The following EPHB1 variants were observed in gnomAD, a reference collection of about 807,000 sequenced individuals.
EPHB1 encodes EPH receptor B1, also known as ephrin type-B receptor 1.
Under a neutral mutation model 94.4 loss-of-function variants are expected in EPHB1, and 30 were observed. The ratio of observed to expected loss-of-function variants is 0.32; its 90% CI spans 0.24 to 0.43. The LOEUF (loss-of-function observed/expected upper bound fraction) is 0.43. EPHB1 is among the 20% of genes least tolerant of loss of function. EPHB1 has a pLI of 1.00. For missense variants in EPHB1, 1,055 were observed against 1,308.3 expected (o/e 0.81, Z 2.99); for synonymous variants, 522 against 489.1 (o/e 1.07, Z -0.89).
At chr3:134,987,395 A>T (rs1334885444) in intron 3 of EPHB1, among the ~76,000 whole-genome samples, 1 of 152,150 alleles carries the variant, frequency 6.6e-6, no homozygotes, top group African/African-American at 2.4e-5. Context: ...GAGATCATAA[A>T]GGTGGGACTT....
intron 12 of EPHB1, among the ~76,000 whole-genome samples, chr3:135,216,615 T>C (rs914560682): frequency 6.6e-6 from 1 of 150,498 alleles, no homozygotes; most frequent in Non-Finnish European, 1.5e-5. Context: ...CCCAGCTACT[T>C]GAGAGGCTGA....
chr3:134,958,709 C>T (rs576161146), intron 3 of EPHB1, among the ~76,000 whole-genome samples: 6 of 152,100 alleles, frequency 3.9e-5, no homozygotes, highest in Admixed American at 6.5e-5. Context: ...CTCCCCATGG[C>T]GGCCCTACCC....
intron 12 of EPHB1, among the ~76,000 whole-genome samples, chr3:135,233,812 A>G (rs1943588195): frequency 6.6e-6 from 1 of 152,206 alleles, no homozygotes; most frequent in Non-Finnish European, 1.5e-5. Flanking sequence ...CACAGGACCA[A>G]CATCATGTGG....
intron 1 of EPHB1, among the ~76,000 whole-genome samples, chr3:134,831,096 A>C (rs1326593809): frequency 2.0e-5 from 3 of 152,190 alleles, no homozygotes; most frequent in Admixed American, 6.5e-5. Flanking sequence ...CCTTCCAATA[A>C]AGAAATTCCA....
At chr3:134,811,256 T>TTTGGTTTTTG (rs71139556) in intron 1 of EPHB1, among the ~76,000 whole-genome samples, 5 of 134,944 alleles carry the variant, frequency 3.7e-5, no homozygotes, top group East Asian at 2.1e-4. Context: ...TTTTTTTTTT[T>TTTGGTTTTTG]TTTTTTTCTG....
At chr3:134,981,463 C>T (rs1934399525) in intron 3 of EPHB1, among the ~76,000 whole-genome samples, 1 of 152,190 alleles carries the variant, frequency 6.6e-6, no homozygotes, top group Admixed American at 6.5e-5. Flanking sequence ...AGAAGTGACA[C>T]ATATTACTTC....
intron 5 of EPHB1, among the ~76,000 whole-genome samples, chr3:135,150,031 TC>T (rs1941144746): frequency 6.6e-6 from 1 of 152,212 alleles, no homozygotes; most frequent in Non-Finnish European, 1.5e-5. Flanking sequence ...TCTTACTTGT[TC>T]TTCTGTCCCC....
chr3:135,227,329 T>C (rs1399689239), intron 12 of EPHB1, among the ~76,000 whole-genome samples: 1 of 152,196 alleles, frequency 6.6e-6, no homozygotes. Flanking sequence ...AAGTAAAAAG[T>C]GAAACTGACT....
chr3:135,217,980 AGCTCCTG>A (rs904942554), intron 12 of EPHB1, among the ~76,000 whole-genome samples: 1 of 152,016 alleles, frequency 6.6e-6, no homozygotes, highest in African/African-American at 2.4e-5. Flanking sequence ...TTCTCCCCAT[AGCTCCTG>A]GCAGTATTTA....
intron 1 of EPHB1, among the ~76,000 whole-genome samples, chr3:134,829,484 C>T (rs1302914157): frequency 1.3e-5 from 2 of 152,178 alleles, no homozygotes; most frequent in Admixed American, 6.5e-5. Flanking sequence ...CTCAATAATG[C>T]TTTCCTCCCC....
intron 2 of EPHB1, among the ~76,000 whole-genome samples, chr3:134,943,383 G>A (rs1014311602): frequency 2.0e-5 from 3 of 151,724 alleles, no homozygotes; most frequent in Admixed American, 2.0e-4. Context: ...TGCCCTGTCT[G>A]TTGTCACTAT....
intron 9 of EPHB1, among the ~76,000 whole-genome samples, chr3:135,170,388 A>G (rs182954653): frequency 6.6e-6 from 1 of 152,092 alleles, no homozygotes; most frequent in East Asian, 1.9e-4. Context: ...GAATAGGAAT[A>G]TAGAGAATTT....
At chr3:135,168,472 G>A (rs1424033966) in intron 9 of EPHB1, among the ~76,000 whole-genome samples, 4 of 152,182 alleles carry the variant, frequency 2.6e-5, no homozygotes, top group Admixed American at 2.0e-4. Context: ...TCCTATGGCC[G>A]GACTGTGTGC....
intron 1 of EPHB1, among the ~76,000 whole-genome samples, chr3:134,904,102 C>G (rs756474946): frequency 6.6e-6 from 1 of 152,122 alleles, no homozygotes; most frequent in Non-Finnish European, 1.5e-5. Flanking sequence ...CTTTTGGATC[C>G]CCCAGCCCTG....
chr3:134,827,469 C>T (rs1183449256), intron 1 of EPHB1, among the ~76,000 whole-genome samples: 1 of 152,200 alleles, frequency 6.6e-6, no homozygotes. Context: ...ATTTAAGATG[C>T]TATTGGGACT....
At chr3:134,891,936 C>G (rs1375419202) in intron 1 of EPHB1, among the ~76,000 whole-genome samples, 2 of 152,202 alleles carry the variant, frequency 1.3e-5, no homozygotes, top group Non-Finnish European at 2.9e-5. Context: ...TGGGAATGAC[C>G]ATAGACTGCA....
intron 4 of EPHB1, among the ~76,000 whole-genome samples, chr3:135,118,600 AAGG>A (rs1321971976): frequency 1.3e-5 from 2 of 152,186 alleles, no homozygotes; most frequent in African/African-American, 2.4e-5. Context: ...TTCCCTCGGG[AAGG>A]AGGAGGACTA....
At chr3:135,120,820 C>A (rs186526254) in intron 4 of EPHB1, among the ~76,000 whole-genome samples, 1 of 152,066 alleles carries the variant, frequency 6.6e-6, no homozygotes, top group African/African-American at 2.4e-5. Context: ...GTCTGATCTG[C>A]GGTCTCTAGA....
At chr3:134,842,111 T>C (rs1170497227) in intron 1 of EPHB1, among the ~76,000 whole-genome samples, 2 of 152,150 alleles carry the variant, frequency 1.3e-5, no homozygotes, top group African/African-American at 4.8e-5. Flanking sequence ...GGCCCCTTCA[T>C]GAATGGGATT....
Sources: allele counts gnomAD v4.1 joint callset (sites outside exome capture counted in the v4.1 genomes callset), GRCh38; gene constraint gnomAD v4.1.1; transcripts MANE v1.5; gene names NCBI Gene and HGNC (gene_info 2026-07-23, HGNC 2026-07-21).